Variants in FRAS1 observed in about 807,000 individuals in gnomAD.
FRAS1 encodes the protein extracellular matrix organizing protein FRAS1.
A neutral mutation model predicts 435.2 loss-of-function variants in FRAS1; 290 were observed. The ratio of observed to expected loss-of-function variants is 0.67; its 90% confidence interval spans 0.61 to 0.73. FRAS1 has a LOEUF of 0.73. Ranked by LOEUF, FRAS1 falls within the 30% of genes least tolerant of loss-of-function variation. FRAS1 has a pLI of 0.00. For synonymous variants in FRAS1, 1,800 were observed against 1,851.0 expected (o/e 0.97, Z 0.71); for missense variants, 4,860 against 5,001.5 (o/e 0.97, Z 0.85).
intron 2 of FRAS1, among the ~76,000 whole-genome samples, chr4:78,152,441 C>T (rs1720705462): frequency 6.6e-6 from 1 of 152,046 alleles, no homozygotes; most frequent in Non-Finnish European, 1.5e-5. Context: ...CTCAAAGAGA[C>T]TAATGTACTT....
In FRAS1 at chr4:78,540,532, TG is replaced by T. The variant is rs1722015098; in HGVS notation, c.11449del (p.Glu3817LysfsTer40). 1.3e-6 allele frequency: 2 copies of T among 1,487,432 alleles called. No individual in the cohort carries two copies. Among genetic ancestry groups the T allele is most frequent in the Non-Finnish European group, 1.8e-6 (2 of 1,116,952 alleles). The allele number at this position is 1,487,432 out of a possible 1,614,324, so 92.1% of individuals were successfully genotyped here. A position where few individuals can be genotyped will look rare whatever the true frequency, so the allele number is the denominator to read the frequency against. On this transcript the variant is annotated frameshift_variant and splice_region_variant, in exon 74 of 74. Coordinates refer to ENST00000512123, the MANE Select transcript of FRAS1 (RefSeq NM_025074.7). LOFTEE classifies it high-confidence loss of function. Reference sequence around the variant, plus strand: ...CATGTTCGGTTTGTCCCCCTGCAGGTGGAAGCAGGACACCAGTGGTATCTCC... The same window carrying T: ...CATGTTCGGTTTGTCCCCCTGCAGGTGAAGCAGGACACCAGTGGTATCTCC... ...FTLKVDALYK[V>X]EAGHQWYLQV...
intron 61 of FRAS1, among the ~76,000 whole-genome samples, chr4:78,502,540 G>T (rs1720716945): frequency 6.6e-6 from 1 of 151,634 alleles, no homozygotes; most frequent in Non-Finnish European, 1.5e-5. Flanking sequence ...GTATAGGAAT[G>T]CTTGTGATTT....
chr4:78,486,343 G>A (rs1349730930), intron 58 of FRAS1, among the ~76,000 whole-genome samples: 1 of 152,210 alleles, frequency 6.6e-6, no homozygotes, highest in East Asian at 1.9e-4. Context: ...GTAGTGGAGA[G>A]CAGAGTCCCA....
rs199921300 is a variant in FRAS1, at chr4:78,519,480, A to G, written c.10539A>G (p.Thr3513=). The part of the protein sequence containing the change: ...SFFYDTVLWR[T]GIQTDSVLSA... The stretch of plus-strand genomic sequence containing the variant: ...TCTATGACACTGTTCTCTGGAGAAC[A>G]GGTATGCCCACTGACGCCTTAACTA... The change falls in exon 67 of 74, where the codon ACA becomes ACG. Residue 3513 remains threonine (T), a splice_region_variant and synonymous_variant. Coordinates refer to ENST00000512123, the MANE Select transcript of FRAS1 (RefSeq NM_025074.7). The G allele has an allele frequency of 1.6e-4, 257 of 1,608,428 alleles. No homozygotes were observed. The African/African-American group carries it at 3.2e-3, about 20-fold the overall frequency.
intron 3 of FRAS1, among the ~76,000 whole-genome samples, chr4:78,243,491 G>T (rs554794271): frequency 2.0e-5 from 3 of 152,152 alleles, no homozygotes; most frequent in African/African-American, 7.2e-5. Flanking sequence ...GCCATTCAGG[G>T]TTACATGGTT....
At chr4:78,432,673 A>G (rs1734263652) in intron 38 of FRAS1, 69 bp downstream of exon 38, 2 of 1,476,194 alleles carry the variant, frequency 1.4e-6, no homozygotes, top group Non-Finnish European at 9.0e-7. Flanking sequence ...CTGGGCAGCA[A>G]TGCCATGGCT....
intron 66 of FRAS1, among the ~76,000 whole-genome samples, chr4:78,518,131 A>G (rs1015713647): frequency 6.6e-6 from 1 of 151,690 alleles, no homozygotes; most frequent in African/African-American, 2.4e-5. Context: ...AAAACAAACA[A>G]ACAAACAAAC....
intron 2 of FRAS1, among the ~76,000 whole-genome samples, chr4:78,204,128 G>A (rs1723156923): frequency 6.6e-6 from 1 of 152,092 alleles, no homozygotes; most frequent in Non-Finnish European, 1.5e-5. Flanking sequence ...ATTAAATAAG[G>A]TTCTTTAAGT....
intron 42 of FRAS1, 53 bp downstream of exon 42, chr4:78,445,765 C>G (rs1471022838): frequency 1.3e-6 from 2 of 1,585,536 alleles, no homozygotes. Flanking sequence ...ATATTTCACA[C>G]CATTAGAGAG....
chr4:78,519,095 T>G (rs962184350), intron 66 of FRAS1, among the ~76,000 whole-genome samples: 1 of 152,096 alleles, frequency 6.6e-6, no homozygotes, highest in African/African-American at 2.4e-5. Flanking sequence ...AAGTGCCACC[T>G]CCTTAGAGAA....
At position 78,446,809 on chromosome 4, in the gene FRAS1, C is replaced by A; in HGVS notation, c.5939C>A (p.Ser1980Tyr). Reference sequence around the variant, plus strand: ...TCGGGAGTGGTGATAAGCAATTCTTCTTTGAGCCTGCAAGACCTGGACACC... The same window carrying A: ...TCGGGAGTGGTGATAAGCAATTCTTATTTGAGCCTGCAAGACCTGGACACC... ...LSSGVVISNS[S>Y]LSLQDLDTPD... is the part of the protein sequence containing the mutation. Residue 1980 changes from serine to tyrosine, a missense_variant, in exon 43 of 74, where the codon TCT becomes TAT. Transcript: ENST00000512123. The A allele has an allele frequency of 6.2e-7, 1 of 1,613,168 alleles. No homozygotes were observed. The highest frequency in any genetic ancestry group is 8.5e-7 in the Non-Finnish European group (1 of 1,179,646).
intron 14 of FRAS1, among the ~76,000 whole-genome samples, chr4:78,305,955 T>G (rs1459941844): frequency 6.6e-6 from 1 of 152,102 alleles, no homozygotes; most frequent in Non-Finnish European, 1.5e-5. Flanking sequence ...TTCCTCTTAG[T>G]CTCGATGGTC....
At chr4:78,343,291 A>T (rs1376293869) in intron 20 of FRAS1, among the ~76,000 whole-genome samples, 1 of 113,958 alleles carries the variant, frequency 8.8e-6, no homozygotes, top group East Asian at 2.0e-4. Flanking sequence ...AGCCAGTGAT[A>T]TGCAGAACAA....
chr4:78,371,562 G>A (rs772837054), intron 23 of FRAS1, among the ~76,000 whole-genome samples: 1 of 152,090 alleles, frequency 6.6e-6, no homozygotes, highest in Non-Finnish European at 1.5e-5. Flanking sequence ...ATTATGAAAT[G>A]GGTACTATTC....
chr4:78,203,425 T>C (rs1425130254), intron 2 of FRAS1, among the ~76,000 whole-genome samples: 1 of 152,214 alleles, frequency 6.6e-6, no homozygotes, highest in Non-Finnish European at 1.5e-5. Context: ...CTCATGGCAC[T>C]TTTGTGGCCA....
intron 32 of FRAS1, among the ~76,000 whole-genome samples, chr4:78,418,677 CGCGTGCACTG>C (rs1264264891): frequency 1.3e-5 from 2 of 152,162 alleles, no homozygotes; most frequent in Non-Finnish European, 2.9e-5. Flanking sequence ...GAATCCCAAC[CGCGTGCACTG>C]GCGTAACCCT....
chr4:78,106,312 AAGAC>A (rs1315766483), intron 2 of FRAS1, among the ~76,000 whole-genome samples: 2 of 76,812 alleles, frequency 2.6e-5, no homozygotes, highest in African/African-American at 5.1e-5. Context: ...GGCAAACAAA[AAGAC>A]AGCAGTAACC....
intron 14 of FRAS1, among the ~76,000 whole-genome samples, chr4:78,288,761 A>G (rs1727738807): frequency 6.6e-6 from 1 of 152,130 alleles, no homozygotes; most frequent in South Asian, 2.1e-4. Flanking sequence ...CAATTTTCAT[A>G]TACTGTCTTG....
chr4:78,435,135 A>T lies in FRAS1; in HGVS notation c.5217+2531A>T, dbSNP rs1578322517. Among the ~76,000 whole-genome samples, 3 of 152,250 alleles carry T rather than the reference A, an allele frequency of 2.0e-5. No individual in the cohort carries two copies. The East Asian group carries it at 5.8e-4, about 30-fold the overall frequency. On this transcript the variant is annotated intron_variant, in intron 38 of 73. Coordinates refer to ENST00000512123, the MANE Select transcript of FRAS1 (RefSeq NM_025074.7). ...TCCAGGCATGTTAGCTCATACCTGT[A>T]GTCCCAGCTACTTGGGGGCTGAGGT...
Sources: gnomAD v4.1 joint callset for allele counts (sites outside exome capture counted in the v4.1 genomes callset) on GRCh38, gnomAD v4.1.1 for gene constraint, MANE v1.5 for transcripts, NCBI Gene and HGNC (gene_info 2026-07-23, HGNC 2026-07-21) for gene names.